RAB1B: variants seen among roughly 807,000 people sequenced by gnomAD.
RAB1B encodes the protein ras-related protein Rab-1B.
In RAB1B, 10 loss-of-function variants were observed where a neutral mutation model predicts 24.8. That is an observed-to-expected ratio of 0.40 (90% CI 0.25 to 0.68). RAB1B has a LOEUF of 0.68. RAB1B is among the 30% of genes least tolerant of loss of function. The pLI, the probability that RAB1B is intolerant of heterozygous loss-of-function variation, is 0.37. For missense variants in RAB1B, 154 were observed against 271.2 expected, an observed-to-expected ratio of 0.57 and a Z score of 3.04; for synonymous variants, 99 against 111.7, an observed-to-expected ratio of 0.89 and a Z score of 0.72.
Position 66,275,207 on chromosome 11 carries a change from C to T in RAB1B, c.280-597C>T, listed in dbSNP as rs1039509624. 2.0e-5 allele frequency among the ~76,000 whole-genome samples: 3 copies of T among 152,316 alleles called. No homozygotes were observed. The East Asian group carries it at 5.8e-4, about 29-fold the overall frequency. The stretch of plus-strand genomic sequence containing the variant: ...AAGTGGCCCTAGCTTGAGCACTTTC[C>T]TGAAAGTCCTGTCCTTTGTGTGTGG... On this transcript the variant is annotated intron_variant, in intron 4 of 5. Transcript: ENST00000311481.
At position 66,271,389 on chromosome 11, in the gene RAB1B, G is replaced by A. The variant is rs190935106; in HGVS notation, c.15-408G>A. ...TGTAATCCCAGCTACTCGGGAGGCC[G>A]AGGCAGGAGAATTGCTTGAACCCGG... On this transcript the variant is annotated intron_variant, in intron 1 of 5. Transcript: ENST00000311481. 1,509 of 157,292 alleles carry A rather than the reference G, an allele frequency of 9.6e-3. 9 individuals carry two copies. Among genetic ancestry groups the A allele is most frequent in the Non-Finnish European group, 0.016 (1,131 of 71,756 alleles). 9.7% of individuals were successfully genotyped at this position (157,292 alleles called of 1,614,324 possible). A position where few individuals can be genotyped will look rare whatever the true frequency, so the allele number is the denominator to read the frequency against.
intron 1 of RAB1B, among the ~76,000 whole-genome samples, chr11:66,269,209 C>T (rs1363612621): frequency 6.6e-6 from 1 of 152,086 alleles, no homozygotes; most frequent in Admixed American, 6.5e-5. Context: ...GCTTGGGTCG[C>T]GTCTCCCGCA....
At chr11:66,269,989 C>T (rs1208373899) in intron 1 of RAB1B, 1 of 152,098 alleles carries the variant, frequency 6.6e-6, no homozygotes, top group Non-Finnish European at 1.5e-5. Flanking sequence ...GTCCTCCTGC[C>T]TTGTCCTCCT....
chr11:66,270,875 G>A (rs567919207), intron 1 of RAB1B: 7 of 152,364 alleles, frequency 4.6e-5, no homozygotes, highest in Non-Finnish European at 8.8e-5. Flanking sequence ...CAGAAATCAG[G>A]TTAGGATACC....
At chr11:66,275,975 G>C (rs1433568698) in intron 5 of RAB1B, 40 bp downstream of exon 5, 1 of 1,607,974 alleles carries the variant, frequency 6.2e-7, no homozygotes, top group Non-Finnish European at 8.5e-7. Flanking sequence ...GGGGCGCTGG[G>C]GCCTGCTGCC....
At position 66,276,029 on chromosome 11, in the gene RAB1B, C is replaced by T; in HGVS notation, c.412-15C>T. Reference sequence around the variant, plus strand: ...CCTCTTCTCTCCCCTCCTCTTCTCTCCTCTCCCTTGTCAGGAGTTTGCAGA... The same window carrying T: ...CCTCTTCTCTCCCCTCCTCTTCTCTTCTCTCCCTTGTCAGGAGTTTGCAGA... On this transcript the variant is annotated splice_polypyrimidine_tract_variant and intron_variant, in intron 5 of 5. Coordinates refer to ENST00000311481, the MANE Select transcript of RAB1B (RefSeq NM_030981.3). 7 of 1,609,864 alleles carry T rather than the reference C, an allele frequency of 4.3e-6. No homozygotes were observed. The highest frequency in any genetic ancestry group is 2.2e-5 in the East Asian group (1 of 44,780).
At position 66,272,356 on chromosome 11, in the gene RAB1B, G is replaced by C; in HGVS notation, c.184-9G>C. On this transcript the variant is annotated splice_polypyrimidine_tract_variant and intron_variant, in intron 3 of 5. Transcript: ENST00000311481. ...CAGCTGACCTGCTCCTCTGCCTACT[G>C]TCTCCTAGTGGGACACAGCGGGCCA... 6.2e-7 allele frequency: 1 copy of C among 1,612,298 alleles called. No individual in the cohort carries two copies. Among genetic ancestry groups the C allele is most frequent in the Middle Eastern group, 1.7e-4 (1 of 6,056 alleles).
intron 4 of RAB1B, 190 bp downstream of exon 4, chr11:66,272,650 A>G (rs1590885083): frequency 2.2e-6 from 1 of 447,232 alleles, no homozygotes; most frequent in South Asian, 4.0e-5. Flanking sequence ...AAGGAGGGAA[A>G]CAGCCACAGA....
rs1340993943 is a variant in RAB1B at position 66,272,444 on chromosome 11, A to G, written c.263A>G (p.Tyr88Cys). The change falls in exon 4 of 6, where the codon TAT becomes TGT. Residue 88 changes from tyrosine (Y) to cysteine (C), a missense_variant. This residue lies in a region of RAB1B where 77 missense variants were observed against 173.4 expected (regional missense o/e 0.44). Transcript: ENST00000311481. ...YRGAHGIIVV[Y>C]DVTDQESYAN... ...GGGGCTCATGGCATCATCGTGGTGTATGACGTCACTGACCAGGTACTCCTG... is the reference window on the plus strand; with the variant it reads ...GGGGCTCATGGCATCATCGTGGTGTGTGACGTCACTGACCAGGTACTCCTG... 6.3e-7 allele frequency: 1 copy of G among 1,595,718 alleles called. No individual in the cohort carries two copies. Among genetic ancestry groups the G allele is most frequent in the Non-Finnish European group, 8.6e-7 (1 of 1,169,450 alleles).
chr11:66,269,243 C>T (rs1857009962), intron 1 of RAB1B, among the ~76,000 whole-genome samples: 1 of 152,252 alleles, frequency 6.6e-6, no homozygotes, highest in East Asian at 1.9e-4. Flanking sequence ...GGGGCTGCCT[C>T]CTACCCTTTG....
chr11:66,271,918 C>A (rs1254438248), intron 2 of RAB1B, 49 bp downstream of exon 2: 2 of 1,470,562 alleles, frequency 1.4e-6, no homozygotes, highest in Non-Finnish European at 1.9e-6. Context: ...TGACTGGCAG[C>A]TGGGGGGAGA....
chr11:66,268,829 C>CCG (rs1555003527), intron 1 of RAB1B, 136 bp downstream of exon 1: 4 of 947,318 alleles, frequency 4.2e-6, no homozygotes, highest in African/African-American at 1.8e-5. Context: ...CTGACCCCCC[C>CCG]CCACATCCGG....
rs750622251 is a variant in RAB1B at position 66,271,767 on chromosome 11, C to G, written c.15-30C>G. 33 of 1,572,954 alleles carry G rather than the reference C, an allele frequency of 2.1e-5. No individual in the cohort carries two copies. The Admixed American group carries it at 5.2e-4, about 25-fold the overall frequency. On this transcript the variant is annotated intron_variant, in intron 1 of 5. Transcript: ENST00000311481. Reference sequence around the variant, plus strand: ...TGATGGTAGGTGGGCTCCCTGCCTCCCTTCACGCCTTCCCATCTTCTCTCT... The same window carrying G: ...TGATGGTAGGTGGGCTCCCTGCCTCGCTTCACGCCTTCCCATCTTCTCTCT...
intron 4 of RAB1B, among the ~76,000 whole-genome samples, chr11:66,273,673 C>T (rs1857097463): frequency 6.6e-6 from 1 of 152,174 alleles, no homozygotes; most frequent in Non-Finnish European, 1.5e-5. Flanking sequence ...ACAGCCGTGG[C>T]TGTGGCTTCC....
At chr11:66,274,753 C>T (rs1203874535) in intron 4 of RAB1B, among the ~76,000 whole-genome samples, 1 of 141,030 alleles carries the variant, frequency 7.1e-6, no homozygotes, top group Non-Finnish European at 1.5e-5. Flanking sequence ...CTTTCTCCTC[C>T]CCACTCCCCC....
chr11:66,272,615 G>A, intron 4 of RAB1B, 155 bp downstream of exon 4: 1 of 553,214 alleles, frequency 1.8e-6, no homozygotes, highest in Non-Finnish European at 3.2e-6. Context: ...AAAAAAATAG[G>A]TGACTGTACT....
chr11:66,276,293 G>C lies in RAB1B; in HGVS notation c.*55G>C. ...GCACCTTCTCCAGATGATGTCCCTG[G>C]AGGGGGCAGGAGGTACCTCCCTCTC... On this transcript the variant is annotated 3_prime_UTR_variant, in exon 6 of 6. Transcript: ENST00000311481. The C allele has an allele frequency of 2.1e-6, 3 of 1,458,074 alleles. No homozygotes were observed. Among genetic ancestry groups the C allele is most frequent in the Non-Finnish European group, 2.7e-6 (3 of 1,097,950 alleles). The allele number at this position is 1,458,074 out of a possible 1,614,324, so 90.3% of individuals were successfully genotyped here. A position where few individuals can be genotyped will look rare whatever the true frequency, so the allele number is the denominator to read the frequency against.
chr11:66,272,520 T>G (rs1857077000), intron 4 of RAB1B, 60 bp downstream of exon 4: 2 of 1,079,726 alleles, frequency 1.9e-6, no homozygotes, highest in African/African-American at 3.2e-5. Flanking sequence ...TTGACTCTTC[T>G]TTTTCCTCCT....
At position 66,276,026 on chromosome 11, in the gene RAB1B, T is replaced by C. The variant is rs1857137633; in HGVS notation, c.412-18T>C. ...CCTCCTCTTCTCTCCCCTCCTCTTC[T>C]CTCCTCTCCCTTGTCAGGAGTTTGC... On this transcript the variant is annotated intron_variant, in intron 5 of 5. Transcript: ENST00000311481. 2 of 1,606,696 alleles carry C rather than the reference T, an allele frequency of 1.2e-6. No homozygotes were observed. Among genetic ancestry groups the C allele is most frequent in the Non-Finnish European group, 1.7e-6 (2 of 1,175,322 alleles).
Sources: gnomAD v4.1 joint callset for allele counts (sites outside exome capture counted in the v4.1 genomes callset) on GRCh38, gnomAD v4.1.1 for gene constraint, gnomAD v4.1.1 regional missense constraint, MANE v1.5 for transcripts, NCBI Gene and HGNC (gene_info 2026-07-23, HGNC 2026-07-21) for gene names.